Variants in DNMT1 observed in about 807,000 individuals in gnomAD.
DNMT1 encodes DNA (cytosine-5)-methyltransferase 1.
In DNMT1, 24 loss-of-function variants were observed where a neutral mutation model predicts 205.3. The observed-to-expected ratio is 0.12, with a 90% CI of 0.08 to 0.16. The LOEUF is 0.16. DNMT1 is among the 10% of genes least tolerant of loss of function. The pLI, the probability that DNMT1 is intolerant of heterozygous loss-of-function variation, is 1.00. For synonymous variants in DNMT1, 817 were observed against 839.8 expected, an observed-to-expected ratio of 0.97 and a Z score of 0.47; for missense variants, 1,293 against 2,177.7, an observed-to-expected ratio of 0.59 and a Z score of 8.09.
At position 10,180,402 on chromosome 19, in the gene DNMT1, G is replaced by C; in HGVS notation, c.393C>G (p.Pro131=). The C allele has an allele frequency of 6.2e-7, 1 of 1,613,986 alleles. No individual in the cohort carries two copies. Among genetic ancestry groups the C allele is most frequent in the Non-Finnish European group, 8.5e-7 (1 of 1,180,038 alleles). ...GMADANSPPK[P]LSKPRTPRRS... ...TCCTGGGCGTGCGAGGTTTGGAAAG[G>C]GGTTTGGGGGGGCTGTTGGCATCTG... The change falls in exon 4 of 41, where the codon CCC becomes CCG. Residue 131 remains proline, a synonymous_variant. Coordinates refer to ENST00000359526, the MANE Select transcript of DNMT1 (RefSeq NM_001130823.3).
rs761815960 is a variant in DNMT1, at chr19:10,140,333, C to A, written c.3524-5G>T. ...CCCACAGCGTGTCAGAGATGCCTGG[C>A]AGATCAAGCACGAAGCCATGCTTTC... On this transcript the variant is annotated splice_polypyrimidine_tract_variant and splice_region_variant and intron_variant, in intron 32 of 40. Coordinates refer to ENST00000359526, the MANE Select transcript of DNMT1 (RefSeq NM_001130823.3). This position sits in a 1 kb window ranked among gnomAD's most constrained non-coding sequence, Gnocchi z 8.4. 6 of 1,613,346 alleles carry A rather than the reference C, an allele frequency of 3.7e-6. No individual in the cohort carries two copies. The Admixed American group carries it at 6.7e-5, about 18-fold the overall frequency.
Position 10,180,360 on chromosome 19 carries a change from T to A in DNMT1, c.435A>T (p.Gly145=), listed in dbSNP as rs1235321087. Residue 145 remains glycine, a synonymous_variant, in exon 4 of 41, where the codon GGA becomes GGT. Coordinates refer to ENST00000359526, the MANE Select transcript of DNMT1 (RefSeq NM_001130823.3). ...ATCATCTGCTCTTACGCTTAGCCTC[T>A]CCATCGGACTTGCTCCTCCTGGGCG... ...PRTPRRSKSD[G]EAKRSRDPPA... The A allele has an allele frequency of 6.2e-7, 1 of 1,612,570 alleles. No homozygotes were observed. Among genetic ancestry groups the A allele is most frequent in the East Asian group, 2.2e-5 (1 of 44,894 alleles).
At position 10,151,010 on chromosome 19, in the gene DNMT1, G is replaced by A. The variant is rs1378151018; in HGVS notation, c.2265+388C>T. 3.9e-5 allele frequency among the ~76,000 whole-genome samples: 6 copies of A among 152,166 alleles called. No homozygotes were observed. Among genetic ancestry groups the A allele is most frequent in the Admixed American group, 1.3e-4 (2 of 15,268 alleles). On this transcript the variant is annotated intron_variant, in intron 24 of 40. Transcript: ENST00000359526. The surrounding 1 kb of genome is among the most constrained non-coding windows in gnomAD (Gnocchi z 5.0). Reference sequence around the variant, plus strand: ...TTCAGGAGGGTGGGGCAGGAGAATCGCTTGAACCTGGGAGGCAGAGGTTGC... The same window carrying A: ...TTCAGGAGGGTGGGGCAGGAGAATCACTTGAACCTGGGAGGCAGAGGTTGC...
rs559454191 is a variant in DNMT1 at position 10,146,110 on chromosome 19, C to T, written c.2894+241G>A. Among the ~76,000 whole-genome samples the T allele has an allele frequency of 4.6e-3, 704 of 152,268 alleles. 1 individual carries two copies. The highest frequency in any genetic ancestry group is 0.014 in the Middle Eastern group (4 of 294). On this transcript the variant is annotated intron_variant, in intron 28 of 40. Coordinates refer to ENST00000359526, the MANE Select transcript of DNMT1 (RefSeq NM_001130823.3). The surrounding 1 kb of genome is among the most constrained non-coding windows in gnomAD (Gnocchi z 4.4). ...CCTCCCAAAGCGCTGGGATTACAGG[C>T]GTGAGAAACCACACCCAGCCAAACC...
At chr19:10,179,648 T>A (rs897313640) in intron 5 of DNMT1, among the ~76,000 whole-genome samples, 3 of 152,032 alleles carry the variant, frequency 2.0e-5, no homozygotes, top group Non-Finnish European at 2.9e-5. Context: ...GGGGTCCAAG[T>A]TTAACTGCCC....
At chr19:10,150,047 T>C in intron 24 of DNMT1, 79 bp from the exon 25 acceptor site, 1 of 1,228,212 alleles carries the variant, frequency 8.1e-7, no homozygotes, top group Non-Finnish European at 1.2e-6. Flanking sequence ...CCTCTGTTAC[T>C]TAAAGTAAGA....
intron 22 of DNMT1, among the ~76,000 whole-genome samples, chr19:10,153,958 G>C (rs1484706924): frequency 6.6e-6 from 1 of 152,198 alleles, no homozygotes; most frequent in Non-Finnish European, 1.5e-5. Context: ...GCTGGACAAA[G>C]TGCCCACTTA....
Position 10,154,324 on chromosome 19 carries a change from G to C in DNMT1, c.1988C>G (p.Ala663Gly), listed in dbSNP as rs1292456314. 4 of 1,614,112 alleles carry C rather than the reference G, an allele frequency of 2.5e-6. No homozygotes were observed. The highest frequency in any genetic ancestry group is 3.4e-6 in the Non-Finnish European group (4 of 1,180,052). The change falls in exon 22 of 41, where the codon GCC (alanine) becomes GGC (glycine). Residue 663 changes from alanine (A) to glycine (G), a missense_variant. This residue lies in a region of DNMT1 where 197 missense variants were observed against 353.6 expected (regional missense o/e 0.56). Coordinates refer to ENST00000359526, the MANE Select transcript of DNMT1 (RefSeq NM_001130823.3). This position sits in a 1 kb window ranked among gnomAD's most constrained non-coding sequence, Gnocchi z 6.3. ...EKDDREDKEN[A>G]FKRRRCGVCE... ...GACGCCACATCGCCGGCGCTTAAAG[G>C]CGTTCTCCTTGTCTTCTCTGTCATC...
chr19:10,155,512 A>G (rs778770242), intron 19 of DNMT1, among the ~76,000 whole-genome samples: 1 of 151,940 alleles, frequency 6.6e-6, no homozygotes, highest in Non-Finnish European at 1.5e-5. Flanking sequence ...TAATTTTTGT[A>G]TTTTTGGTAG....
intron 10 of DNMT1, 117 bp from the exon 11 acceptor site, chr19:10,166,802 C>G: frequency 9.3e-7 from 1 of 1,074,608 alleles, no homozygotes; most frequent in Non-Finnish European, 1.4e-6. Flanking sequence ...GACAGGCTGC[C>G]TCTCCTGTCT....
intron 40 of DNMT1, 96 bp downstream of exon 40, chr19:10,134,121 A>G (rs2089429584): frequency 7.4e-7 from 1 of 1,351,434 alleles, no homozygotes; most frequent in Non-Finnish European, 1.1e-6. Context: ...GACCCGCCTG[A>G]GTCCCAGAGC....
intron 13 of DNMT1, among the ~76,000 whole-genome samples, chr19:10,161,174 G>A (rs956480872): frequency 2.0e-5 from 3 of 152,060 alleles, no homozygotes; most frequent in South Asian, 2.1e-4. Flanking sequence ...GCGCGGTGGC[G>A]CATGCCTGTA....
intron 17 of DNMT1, among the ~76,000 whole-genome samples, chr19:10,157,078 A>G (rs996609726): frequency 2.6e-5 from 4 of 152,204 alleles, no homozygotes; most frequent in Non-Finnish European, 5.9e-5. Context: ...ACCGGTTTCT[A>G]GAACACCTTC....
At chr19:10,170,675 A>G (rs1457766415) in intron 9 of DNMT1, among the ~76,000 whole-genome samples, 1 of 152,212 alleles carries the variant, frequency 6.6e-6, no homozygotes, top group African/African-American at 2.4e-5. Context: ...TGTACATTTT[A>G]GTTGATTCCC....
chr19:10,162,868 T>G (rs945523630), intron 12 of DNMT1, 120 bp from the exon 13 acceptor site: 1 of 1,074,848 alleles, frequency 9.3e-7, no homozygotes, highest in Non-Finnish European at 1.4e-6. Context: ...CCATGGGAGC[T>G]CTATAGGCAC....
chr19:10,166,591 C>T lies in DNMT1; in HGVS notation c.891+7G>A. 1 of 1,614,122 alleles carries T rather than the reference C, an allele frequency of 6.2e-7. No homozygotes were observed. The highest frequency in any genetic ancestry group is 8.5e-7 in the Non-Finnish European group (1 of 1,179,986). On this transcript the variant is annotated splice_region_variant and intron_variant, in intron 11 of 40. Transcript: ENST00000359526. ...GGGGAGTTCAGAAACAAATAACCCG[C>T]CTTTACTTTCTCGTCTCCATCTTCG...
At chr19:10,153,998 G>T (rs999250362) in intron 22 of DNMT1, among the ~76,000 whole-genome samples, 1 of 152,182 alleles carries the variant, frequency 6.6e-6, no homozygotes, top group Non-Finnish European at 1.5e-5. Context: ...CAGTCCAACA[G>T]GGGCCTTCAG....
chr19:10,140,379 T>TC lies in DNMT1; in HGVS notation c.3524-52_3524-51insG, dbSNP rs2089578713. The TC allele has an allele frequency of 6.2e-7, 1 of 1,602,334 alleles. No individual in the cohort carries two copies. The highest frequency in any genetic ancestry group is 2.2e-5 in the East Asian group (1 of 44,614). On this transcript the variant is annotated intron_variant, in intron 32 of 40. Transcript: ENST00000359526. This position sits in a 1 kb window ranked among gnomAD's most constrained non-coding sequence, Gnocchi z 8.4. The stretch of plus-strand genomic sequence containing the variant: ...CTTTCAACTCTCCAGAAGATTTTTT[T>TC]TTTTTTTTGAGATGGAGTCTCGCTC...
chr19:10,141,352 C>T, intron 30 of DNMT1, 163 bp from the exon 31 acceptor site: 2 of 694,900 alleles, frequency 2.9e-6, no homozygotes, highest in Non-Finnish European at 5.1e-6. Context: ...ACAATAGAAA[C>T]TTAAAACAAT....
Sources: allele counts gnomAD v4.1 joint callset (sites outside exome capture counted in the v4.1 genomes callset), GRCh38; gene constraint gnomAD v4.1.1; regional missense constraint gnomAD v4.1.1; non-coding constraint Gnocchi (gnomAD v3.1); transcripts MANE v1.5; gene names NCBI Gene and HGNC (gene_info 2026-07-23, HGNC 2026-07-21).